CENPW: variants seen among roughly 807,000 people sequenced by gnomAD.
CENPW encodes the protein cancer-up-regulated gene 2 protein.
A neutral mutation model predicts 11.1 loss-of-function variants in CENPW; 3 were observed. The observed-to-expected ratio is 0.27, with a 90% CI of 0.12 to 0.70. The LOEUF is 0.70. CENPW is among the 30% of genes least tolerant of loss of function. The pLI is 0.77. For missense variants in CENPW, 100 were observed against 105.6 expected, an observed-to-expected ratio of 0.95 and a Z score of 0.23; for synonymous variants, 38 against 42.0, an observed-to-expected ratio of 0.91 and a Z score of 0.37.
At chr6:126,444,618 T>C in the CENPW span, among the ~76,000 whole-genome samples, 1,084 of 151,316 alleles carry the variant, frequency 7.2e-3, 12 homozygotes, top group African/African-American at 0.025. Flanking sequence ...TCTGACTGTT[T>C]CTAATTTTTC....
the CENPW span, among the ~76,000 whole-genome samples, chr6:126,389,563 G>A: frequency 2.6e-5 from 4 of 151,536 alleles, no homozygotes; most frequent in Non-Finnish European, 4.4e-5. Context: ...ACACACACAC[G>A]CGTGCACATC....
the CENPW span, among the ~76,000 whole-genome samples, chr6:126,468,469 T>C: frequency 1.0e-5 from 1 of 99,018 alleles, no homozygotes; most frequent in South Asian, 3.4e-4. Flanking sequence ...GGCAACTAAA[T>C]ATGCAGTATT....
chr6:126,398,620 T>A, the CENPW span, among the ~76,000 whole-genome samples: 1 of 152,146 alleles, frequency 6.6e-6, no homozygotes, highest in East Asian at 1.9e-4. Context: ...TTCAGTTCTA[T>A]TACTTTTATT....
chr6:126,361,880 C>T, the CENPW span, among the ~76,000 whole-genome samples: 2 of 152,184 alleles, frequency 1.3e-5, no homozygotes, highest in Admixed American at 6.5e-5. Context: ...GCTTAAGTGC[C>T]GGCCACAACT....
chr6:126,383,545 A>G, the CENPW span, among the ~76,000 whole-genome samples: 2 of 152,154 alleles, frequency 1.3e-5, no homozygotes, highest in Non-Finnish European at 2.9e-5. Flanking sequence ...ACATGCAGTG[A>G]CATCCATAGG....
At chr6:126,455,331 C>T in the CENPW span, among the ~76,000 whole-genome samples, 1 of 151,428 alleles carries the variant, frequency 6.6e-6, no homozygotes, top group African/African-American at 2.4e-5. Flanking sequence ...CAAACTGAAT[C>T]CAGCAGCACA....
chr6:126,446,566 G>A, the CENPW span, among the ~76,000 whole-genome samples: 1 of 151,024 alleles, frequency 6.6e-6, no homozygotes, highest in Non-Finnish European at 1.5e-5. Flanking sequence ...TACAGAAACT[G>A]TAGACTGTCT....
chr6:126,449,737 C>T, the CENPW span, among the ~76,000 whole-genome samples: 9 of 151,144 alleles, frequency 6.0e-5, no homozygotes, highest in Non-Finnish European at 1.0e-4. Context: ...CTAAAAACCT[C>T]ATAATAATTT....
chr6:126,444,116 TA>T, the CENPW span, among the ~76,000 whole-genome samples: 1 of 150,950 alleles, frequency 6.6e-6, no homozygotes, highest in Non-Finnish European at 1.5e-5. Context: ...AGGATCTTTT[TA>T]ATTTTTTTTT....
At chr6:126,437,058 T>C in the CENPW span, among the ~76,000 whole-genome samples, 1 of 151,702 alleles carries the variant, frequency 6.6e-6, no homozygotes, top group African/African-American at 2.4e-5. Context: ...TGCTAATTGG[T>C]AAACTACATT....
At chr6:126,378,082 T>G in the CENPW span, among the ~76,000 whole-genome samples, 1 of 152,178 alleles carries the variant, frequency 6.6e-6, no homozygotes, top group Non-Finnish European at 1.5e-5. Context: ...ACCCTCAGGG[T>G]CTGAGTACTA....
the CENPW span, among the ~76,000 whole-genome samples, chr6:126,432,363 C>G: frequency 6.0e-4 from 91 of 152,258 alleles, 1 homozygote; most frequent in East Asian, 0.016. Flanking sequence ...TATCCTGTAC[C>G]CTACAATGCT....
At chr6:126,394,682 T>C in the CENPW span, among the ~76,000 whole-genome samples, 3 of 152,178 alleles carry the variant, frequency 2.0e-5, no homozygotes, top group Non-Finnish European at 4.4e-5. Context: ...TCCTTCAGAT[T>C]GGAGAACTTC....
chr6:126,475,281 G>A, the CENPW span, among the ~76,000 whole-genome samples: 11 of 151,962 alleles, frequency 7.2e-5, no homozygotes, highest in Non-Finnish European at 5.9e-5. Flanking sequence ...ATTGTAAACA[G>A]TGTGGATAGT....
chr6:126,410,484 C>T, the CENPW span, among the ~76,000 whole-genome samples: 14 of 152,080 alleles, frequency 9.2e-5, 1 homozygote, highest in South Asian at 2.7e-3. Flanking sequence ...GAATCTCTTT[C>T]TGGGTTGAAT....
chr6:126,388,146 CA>C, the CENPW span, among the ~76,000 whole-genome samples: 1 of 151,932 alleles, frequency 6.6e-6, no homozygotes, highest in African/African-American at 2.4e-5. Context: ...AGACTTCATA[CA>C]ACTGTTTATT....
chr6:126,407,869 C>A, the CENPW span, among the ~76,000 whole-genome samples: 11 of 152,194 alleles, frequency 7.2e-5, no homozygotes, highest in South Asian at 2.1e-4. Context: ...TATTCTTTCC[C>A]ATTCTGTAGG....
the CENPW span, among the ~76,000 whole-genome samples, chr6:126,450,193 T>C: frequency 6.6e-6 from 1 of 151,182 alleles, no homozygotes; most frequent in African/African-American, 2.4e-5. Context: ...AAATGGAAAT[T>C]GGAATATTTT....
At chr6:126,368,133 G>T in the CENPW span, among the ~76,000 whole-genome samples, 1 of 152,164 alleles carries the variant, frequency 6.6e-6, no homozygotes, top group Non-Finnish European at 1.5e-5. Flanking sequence ...CTTCGTCTTT[G>T]TGCCTATCCC....
Sources: allele counts gnomAD v4.1 joint callset (sites outside exome capture counted in the v4.1 genomes callset), GRCh38; gene constraint gnomAD v4.1.1; transcripts MANE v1.5; gene names NCBI Gene and HGNC (gene_info 2026-07-23, HGNC 2026-07-21).